The following POLR3G variants were observed in gnomAD, a reference collection of about 807,000 sequenced individuals.
POLR3G encodes RNA polymerase III subunit G, also known as DNA-directed RNA polymerase III subunit RPC7.
A neutral mutation model predicts 30.1 loss-of-function variants in POLR3G; 28 were observed. That is an observed-to-expected ratio of 0.93 (90% confidence interval 0.69 to 1.27). The LOEUF is 1.27. Among genes scored for constraint, POLR3G ranks in the 50% most tolerant of loss-of-function variants. POLR3G has a pLI of 0.00. For synonymous variants in POLR3G, 79 were observed against 82.5 expected (o/e 0.96, Z 0.23); for missense variants, 254 against 264.6 (o/e 0.96, Z 0.28).
Position 90,494,429 on chromosome 5 carries a change from A to G in POLR3G, c.248-1248A>G, listed in dbSNP as rs1751883718. ...TTATATTGGGTATATACATAGGATC[A>G]TATGGTAACTCTGTATTTCACATTT... On this transcript the variant is annotated intron_variant, in intron 3 of 7. Coordinates refer to ENST00000651687, the MANE Select transcript of POLR3G (RefSeq NM_006467.3). 3.3e-5 allele frequency among the ~76,000 whole-genome samples: 5 copies of G among 152,346 alleles called. No homozygotes were observed. In the South Asian group the frequency reaches 8.3e-4, roughly 25 times the overall value.
chr5:90,490,342 A>G (rs927865401), intron 3 of POLR3G, among the ~76,000 whole-genome samples: 12 of 146,264 alleles, frequency 8.2e-5, no homozygotes, highest in African/African-American at 3.0e-4. Context: ...CCAAATTGAT[A>G]CAAGTACATT....
At chr5:90,492,463 G>T (rs1751770969) in intron 3 of POLR3G, among the ~76,000 whole-genome samples, 1 of 152,170 alleles carries the variant, frequency 6.6e-6, no homozygotes, top group South Asian at 2.1e-4. Flanking sequence ...AAAGGAAATT[G>T]ATTATATAGA....
chr5:90,486,272 G>A lies in POLR3G; in HGVS notation c.117+588G>A, dbSNP rs372247449. Among the ~76,000 whole-genome samples, 4 of 152,212 alleles carry A rather than the reference G, an allele frequency of 2.6e-5. No individual in the cohort carries two copies. The East Asian group carries it at 7.7e-4, about 29-fold the overall frequency. ...AAGGAGTCTCTGCGTTTTGCTCTTG[G>A]TATTTTACCTTTTTGATATTCAGCG... On this transcript the variant is annotated intron_variant, in intron 2 of 7. Coordinates refer to ENST00000651687, the MANE Select transcript of POLR3G (RefSeq NM_006467.3).
At chr5:90,483,113 C>G (rs1010662808) in intron 1 of POLR3G, among the ~76,000 whole-genome samples, 1 of 131,040 alleles carries the variant, frequency 7.6e-6, no homozygotes, top group African/African-American at 2.9e-5. Context: ...GCACTCCAGC[C>G]TGGGCAACAA....
At chr5:90,493,661 C>T (rs1751842963) in intron 3 of POLR3G, among the ~76,000 whole-genome samples, 1 of 130,668 alleles carries the variant, frequency 7.7e-6, no homozygotes, top group African/African-American at 2.7e-5. Flanking sequence ...GTTGTGCAAT[C>T]AACACCACTA....
At chr5:90,484,946 G>T (rs1474672538) in intron 1 of POLR3G, among the ~76,000 whole-genome samples, 1 of 152,108 alleles carries the variant, frequency 6.6e-6, no homozygotes, top group East Asian at 1.9e-4. Context: ...TATCACTCCT[G>T]TCTCCAAAAT....
At chr5:90,492,154 A>G (rs1220469146) in intron 3 of POLR3G, among the ~76,000 whole-genome samples, 3 of 152,206 alleles carry the variant, frequency 2.0e-5, no homozygotes, top group African/African-American at 7.2e-5. Context: ...TTGATTGTAT[A>G]AGCAAAATCT....
intron 4 of POLR3G, 134 bp from the exon 5 acceptor site, chr5:90,497,521 TA>T: frequency 9.9e-7 from 1 of 1,014,290 alleles, no homozygotes; most frequent in Non-Finnish European, 1.4e-6. Flanking sequence ...TGTTTCAAGC[TA>T]AATTTGTAAA....
upstream of POLR3G, chr5:90,473,992 GCACTGC>G (rs1458479787): frequency 6.3e-7 from 1 of 1,598,396 alleles, no homozygotes; most frequent in East Asian, 2.3e-5. Flanking sequence ...TCGGCGTGGT[GCACTGC>G]CACGCGGTCG....
chr5:90,498,649 A>G (rs569434590), intron 5 of POLR3G, among the ~76,000 whole-genome samples: 7 of 152,334 alleles, frequency 4.6e-5, no homozygotes, highest in Admixed American at 4.6e-4. Context: ...CAGATTTTTT[A>G]TTATACTGGC....
In POLR3G at chr5:90,513,360, T is replaced by C. The variant is rs1307419517; in HGVS notation, c.*1221T>C. The C allele has an allele frequency of 6.6e-6, 1 of 152,602 alleles. No homozygotes were observed. Among genetic ancestry groups the C allele is most frequent in the Non-Finnish European group, 1.5e-5 (1 of 67,998 alleles). 9.5% of individuals were successfully genotyped at this position (152,602 alleles called of 1,614,324 possible). A position where few individuals can be genotyped will look rare whatever the true frequency, so the allele number is the denominator to read the frequency against. On this transcript the variant is annotated 3_prime_UTR_variant, in exon 8 of 8. Transcript: ENST00000651687. ...TTGAACCTGAGCTTGGTTGTTTCTG[T>C]GCCTTAGTTTCTCCACTCGTAAACA...
At chr5:90,485,998 G>A (rs1751421723) in intron 2 of POLR3G, among the ~76,000 whole-genome samples, 1 of 152,060 alleles carries the variant, frequency 6.6e-6, no homozygotes, top group Non-Finnish European at 1.5e-5. Context: ...AAAGTCATTA[G>A]GTTTTATAAT....
intron 1 of POLR3G, among the ~76,000 whole-genome samples, chr5:90,480,317 G>A (rs1245120556): frequency 6.6e-6 from 1 of 152,164 alleles, no homozygotes. Flanking sequence ...AGCTCTGCAG[G>A]AGAAGAAAAT....
rs187983689 is a variant in POLR3G at position 90,514,403 on chromosome 5, G to A, written c.*2264G>A. ...AATTCTTACAAAACAAAATGTGTTC[G>A]TTTGTTTTATAGTAAGATGTTTTAT... On this transcript the variant is annotated 3_prime_UTR_variant, in exon 8 of 8. Transcript: ENST00000651687. 2.6e-5 allele frequency: 4 copies of A among 152,032 alleles called. No homozygotes were observed. Among genetic ancestry groups the A allele is most frequent in the East Asian group, 1.9e-4 (1 of 5,154 alleles). 9.4% of individuals were successfully genotyped at this position (152,032 alleles called of 1,614,324 possible). A position where few individuals can be genotyped will look rare whatever the true frequency, so the allele number is the denominator to read the frequency against.
At chr5:90,474,519 C>T (rs1750674019), upstream of POLR3G, 3 of 543,740 alleles carry the variant, frequency 5.5e-6, no homozygotes, top group African/African-American at 3.9e-5. Flanking sequence ...AGGTCGGCAG[C>T]AAGCAGAGGC....
At position 90,489,546 on chromosome 5, in the gene POLR3G, C is replaced by T. The variant is rs571685737; in HGVS notation, c.247+1417C>T. Among the ~76,000 whole-genome samples, 16 of 152,076 alleles carry T rather than the reference C, an allele frequency of 1.1e-4. No individual in the cohort carries two copies. In the South Asian group the frequency reaches 1.7e-3, roughly 16 times the overall value. On this transcript the variant is annotated intron_variant, in intron 3 of 7. Transcript: ENST00000651687. ...CCAAAGTGCTGGGATTACAGACAGACGTGAGCCACCATGCCCGGCCTAATA... is the reference window on the plus strand; with the variant it reads ...CCAAAGTGCTGGGATTACAGACAGATGTGAGCCACCATGCCCGGCCTAATA...
intron 7 of POLR3G, among the ~76,000 whole-genome samples, chr5:90,511,491 A>T (rs1482479011): frequency 6.6e-6 from 1 of 152,188 alleles, no homozygotes; most frequent in Non-Finnish European, 1.5e-5. Context: ...TTTTGATAGA[A>T]AGCACAGATA....
chr5:90,487,976 A>G, intron 2 of POLR3G, 24 bp from the exon 3 acceptor site: 2 of 1,516,416 alleles, frequency 1.3e-6, no homozygotes, highest in African/African-American at 1.4e-5. Context: ...TTTGAAAAAA[A>G]TCTTTGTCTC....
intron 6 of POLR3G, among the ~76,000 whole-genome samples, chr5:90,504,156 G>C (rs1752377309): frequency 6.7e-6 from 1 of 150,284 alleles, no homozygotes; most frequent in South Asian, 2.1e-4. Context: ...ATTTAGATCT[G>C]TGTGGTGGAA....
Sources: allele counts gnomAD v4.1 joint callset (sites outside exome capture counted in the v4.1 genomes callset), GRCh38; gene constraint gnomAD v4.1.1; transcripts MANE v1.5; gene names NCBI Gene and HGNC (gene_info 2026-07-23, HGNC 2026-07-21).